MYBL1: variants seen among roughly 807,000 people sequenced by gnomAD.
MYBL1 encodes the protein myb-related protein A.
A neutral mutation model predicts 96.3 loss-of-function variants in MYBL1; 17 were observed. The ratio of observed to expected loss-of-function variants is 0.18; its 90% CI spans 0.12 to 0.26. The LOEUF is 0.26. Among genes scored for constraint, MYBL1 ranks in the 10% least tolerant of loss-of-function variants. The probability of loss-of-function intolerance (pLI) is 1.00; values close to 1 mark genes in which losing one functional copy is unlikely to be tolerated. For synonymous variants in MYBL1, 282 were observed against 292.7 expected (o/e 0.96, Z 0.37); for missense variants, 701 against 882.9 (o/e 0.79, Z 2.61).
intron 8 of MYBL1, among the ~76,000 whole-genome samples, chr8:66,586,042 GTTTT>G (rs578179482): frequency 1.9e-5 from 2 of 105,826 alleles, no homozygotes; most frequent in Admixed American, 1.9e-4. Flanking sequence ...GTTTTTTGGT[GTTTT>G]TTTTTTTTTT....
intron 4 of MYBL1, among the ~76,000 whole-genome samples, chr8:66,598,842 A>T (rs1164458460): frequency 6.6e-6 from 1 of 152,210 alleles, no homozygotes; most frequent in Non-Finnish European, 1.5e-5. Flanking sequence ...CTCAGAAAGA[A>T]AGGGCTGTAT....
At chr8:66,603,482 T>G (rs1810188183) in intron 1 of MYBL1, among the ~76,000 whole-genome samples, 1 of 151,670 alleles carries the variant, frequency 6.6e-6, no homozygotes, top group South Asian at 2.1e-4. Context: ...TGGAAGAACA[T>G]TCTGACTTTT....
intron 8 of MYBL1, among the ~76,000 whole-genome samples, chr8:66,581,817 A>C (rs1422082788): frequency 5.3e-5 from 8 of 152,236 alleles, no homozygotes; most frequent in Non-Finnish European, 1.0e-4. Context: ...AGCACTGAAA[A>C]AAGAAAAATG....
rs532620324 is a variant in MYBL1 at position 66,577,000 on chromosome 8, G to A, written c.1102-625C>T. On this transcript the variant is annotated intron_variant, in intron 9 of 15. Coordinates refer to ENST00000522677, the MANE Select transcript of MYBL1 (RefSeq NM_001080416.4). ...ACCACATGATTATCTCAATAGATGC[G>A]GAAAAGGCCTTTGACAAAATTCAAC... is the stretch of plus-strand genomic sequence containing the variant. Among the ~76,000 whole-genome samples the A allele has an allele frequency of 7.1e-4, 108 of 152,066 alleles. 1 individual carries two copies. The highest frequency in any genetic ancestry group is 1.6e-3 in the African/African-American group (66 of 41,492).
At chr8:66,599,810 A>G (rs558468821) in intron 3 of MYBL1, among the ~76,000 whole-genome samples, 20 of 152,282 alleles carry the variant, frequency 1.3e-4, no homozygotes. Context: ...TCAAAAAAAA[A>G]AAAGAAAAAG....
At chr8:66,609,293 C>G (rs373730934) in intron 1 of MYBL1, among the ~76,000 whole-genome samples, 6 of 151,952 alleles carry the variant, frequency 3.9e-5, no homozygotes, top group Non-Finnish European at 5.9e-5. Context: ...AAGGAGGAAA[C>G]TGAAATTTTT....
At chr8:66,586,166 AT>A (rs1466257922) in intron 8 of MYBL1, among the ~76,000 whole-genome samples, 1 of 150,076 alleles carries the variant, frequency 6.7e-6, no homozygotes, top group Non-Finnish European at 1.5e-5. Context: ...CCACCTCAGC[AT>A]TCTGAGTAGC....
chr8:66,601,968 T>C (rs1810090100), intron 2 of MYBL1, among the ~76,000 whole-genome samples, 199 bp from the exon 3 acceptor site: 1 of 152,214 alleles, frequency 6.6e-6, no homozygotes, highest in South Asian at 2.1e-4. Flanking sequence ...TGTCTCTGGT[T>C]GAAGAAAAAG....
intron 1 of MYBL1, among the ~76,000 whole-genome samples, 162 bp from the exon 2 acceptor site, chr8:66,602,685 G>T (rs1339336340): frequency 1.5e-5 from 2 of 135,876 alleles, no homozygotes; most frequent in African/African-American, 5.5e-5. Flanking sequence ...GTCAGACAGC[G>T]GGGTGGGGTG....
intron 8 of MYBL1, among the ~76,000 whole-genome samples, chr8:66,586,945 G>C (rs1809442630): frequency 6.6e-6 from 1 of 152,036 alleles, no homozygotes; most frequent in African/African-American, 2.4e-5. Context: ...GGCAGAGAAA[G>C]ATAAACACTG....
chr8:66,579,881 T>A (rs1002041009), intron 9 of MYBL1, among the ~76,000 whole-genome samples: 2 of 152,186 alleles, frequency 1.3e-5, no homozygotes, highest in Non-Finnish European at 2.9e-5. Flanking sequence ...AGTTTCCAGC[T>A]TTCTCTAATG....
intron 15 of MYBL1, chr8:66,565,618 C>G (rs181702196): frequency 1.1e-5 from 1 of 88,764 alleles, no homozygotes; most frequent in Non-Finnish European, 2.2e-5. Context: ...ACACACTGGT[C>G]GTATCCCAAC....
chr8:66,580,301 T>C lies in MYBL1; in HGVS notation c.933A>G (p.Leu311=), dbSNP rs1397029275. ...CACTAGTGTGCTCGTCAAGGCTATT[T>C]AGAGTATTAGACATGTTATCATCCA... The part of the protein sequence containing the change: ...FLMDDNMSNT[L]NSLDEHTSEF... The change falls in exon 9 of 16, where the codon CTA becomes CTG. Residue 311 remains leucine (L), a synonymous_variant. Transcript: ENST00000522677. 5 of 1,613,896 alleles carry C rather than the reference T, an allele frequency of 3.1e-6. No individual in the cohort carries two copies. Among genetic ancestry groups the C allele is most frequent in the Non-Finnish European group, 3.4e-6 (4 of 1,179,852 alleles).
intron 8 of MYBL1, among the ~76,000 whole-genome samples, chr8:66,588,740 G>C (rs2129904667): frequency 6.6e-6 from 1 of 152,300 alleles, no homozygotes. Flanking sequence ...AAAAACTTTA[G>C]GGAGGGCACG....
At chr8:66,598,731 T>C (rs1809949491) in intron 4 of MYBL1, among the ~76,000 whole-genome samples, 1 of 152,186 alleles carries the variant, frequency 6.6e-6, no homozygotes, top group African/African-American at 2.4e-5. Flanking sequence ...AAATGTTAAT[T>C]AGATTTTTGA....
chr8:66,592,995 A>G (rs772289948), intron 7 of MYBL1, 125 bp downstream of exon 7: 44 of 579,130 alleles, frequency 7.6e-5, no homozygotes, highest in Non-Finnish European at 1.1e-4. Flanking sequence ...TAGTTAGAGT[A>G]CTCCAAGTAG....
chr8:66,566,243 A>T lies in MYBL1; in HGVS notation c.1951T>A (p.Ser651Thr). 1 of 1,445,944 alleles carries T rather than the reference A, an allele frequency of 6.9e-7. No individual in the cohort carries two copies. The highest frequency in any genetic ancestry group is 9.3e-7 in the Non-Finnish European group (1 of 1,072,412). The allele number at this position is 1,445,944 out of a possible 1,614,324, so 89.6% of individuals were successfully genotyped here. A position where few individuals can be genotyped will look rare whatever the true frequency, so the allele number is the denominator to read the frequency against. Residue 651 changes from serine to threonine, a missense_variant and splice_region_variant, in exon 15 of 16, where the codon TCA becomes ACA. Coordinates refer to ENST00000522677, the MANE Select transcript of MYBL1 (RefSeq NM_001080416.4). ...AAGGATGTAGTAAATCTATTTTCTG[A>T]CTAAGAGAGAAAAAAGAAAGAGGAA... ...LLTEDISDMQ[S>T]ENRFTTSLLM... is the part of the protein sequence containing the mutation.
At position 66,612,683 on chromosome 8, in the gene MYBL1, C is replaced by A. The variant is rs972501723; in HGVS notation, c.20+136G>T. 7.3e-6 allele frequency: 8 copies of A among 1,097,466 alleles called. No homozygotes were observed. The Admixed American group carries it at 1.1e-4, about 15-fold the overall frequency. 68.0% of individuals were successfully genotyped at this position (1,097,466 alleles called of 1,614,324 possible). On this transcript the variant is annotated intron_variant, in intron 1 of 15. Transcript: ENST00000522677. ...CTGCCCTCCGGTCATCGAGGCCAAG[C>A]GGCCGCGGGGACGCGGGAAGAAAAA...
intron 3 of MYBL1, 61 bp from the exon 4 acceptor site, chr8:66,599,203 G>T: frequency 2.7e-6 from 3 of 1,112,996 alleles, no homozygotes; most frequent in South Asian, 1.6e-5. Flanking sequence ...AAGTCAGCCC[G>T]AATTTATGTC....
Sources: gnomAD v4.1 joint callset for allele counts (sites outside exome capture counted in the v4.1 genomes callset) on GRCh38, gnomAD v4.1.1 for gene constraint, MANE v1.5 for transcripts, NCBI Gene and HGNC (gene_info 2026-07-23, HGNC 2026-07-21) for gene names.